AK9: variants seen among roughly 807,000 people sequenced by gnomAD.
AK9 encodes the protein adenylate kinase 9.
Under a neutral mutation model 239.6 loss-of-function variants are expected in AK9, and 191 were observed. The ratio of observed to expected loss-of-function variants is 0.80; its 90% CI spans 0.71 to 0.90. AK9 has a LOEUF of 0.90. AK9 is among the 40% of genes least tolerant of loss of function. AK9 has a pLI of 0.00. For synonymous variants in AK9, 689 were observed against 721.0 expected (o/e 0.96, Z 0.71); for missense variants, 1,995 against 2,214.7 (o/e 0.90, Z 1.99).
intron 2 of AK9, among the ~76,000 whole-genome samples, chr6:109,674,659 AT>A (rs1771442705): frequency 6.6e-6 from 1 of 152,168 alleles, no homozygotes; most frequent in Non-Finnish European, 1.5e-5. Flanking sequence ...CCATTTAGTA[AT>A]TTTGATGAGC....
chr6:109,683,338 C>T (rs1772965746), intron 1 of AK9, among the ~76,000 whole-genome samples: 1 of 152,092 alleles, frequency 6.6e-6, no homozygotes, highest in South Asian at 2.1e-4. Context: ...AAAACTGGCA[C>T]AAAACAAGGA....
chr6:109,522,472 T>A (rs1019010000), intron 29 of AK9, among the ~76,000 whole-genome samples: 9 of 152,042 alleles, frequency 5.9e-5, no homozygotes, highest in Non-Finnish European at 1.5e-5. Context: ...TCCTATCTCT[T>A]GCACTTTGTT....
chr6:109,625,987 A>G (rs1795487366), intron 12 of AK9, among the ~76,000 whole-genome samples: 1 of 151,172 alleles, frequency 6.6e-6, no homozygotes, highest in Non-Finnish European at 1.5e-5. Context: ...AGACCATCTG[A>G]TTTTCCCACA....
At chr6:109,660,372 T>C (rs900710096) in intron 6 of AK9, among the ~76,000 whole-genome samples, 7 of 152,114 alleles carry the variant, frequency 4.6e-5, no homozygotes, top group Admixed American at 1.3e-4. Flanking sequence ...TTTATTAAGT[T>C]TGGAGTGAGG....
intron 9 of AK9, among the ~76,000 whole-genome samples, chr6:109,642,192 T>C (rs552736397): frequency 1.3e-5 from 2 of 152,170 alleles, no homozygotes; most frequent in Non-Finnish European, 2.9e-5. Context: ...TTTGGACTTT[T>C]AGCCTCCAGA....
intron 21 of AK9, among the ~76,000 whole-genome samples, chr6:109,565,485 ATT>A (rs397809195): frequency 0.45 from 67,796 of 151,220 alleles, 16,037 homozygotes; most frequent in South Asian, 0.54. Context: ...TTAAAAAAAA[ATT>A]TTTTTTCAAG....
At chr6:109,511,889 C>G (rs143027982) in intron 32 of AK9, among the ~76,000 whole-genome samples, 1 of 152,258 alleles carries the variant, frequency 6.6e-6, no homozygotes, top group Non-Finnish European at 1.5e-5. Flanking sequence ...ACATGTTCAC[C>G]TTGTGCTCTG....
chr6:109,565,767 G>GTACA (rs1337900158), intron 21 of AK9, among the ~76,000 whole-genome samples: 1 of 152,060 alleles, frequency 6.6e-6, no homozygotes, highest in African/African-American at 2.4e-5. Flanking sequence ...ATAGACAAAA[G>GTACA]TACATATATC....
chr6:109,564,374 T>G, intron 22 of AK9, 94 bp from the exon 23 acceptor site: 1 of 872,180 alleles, frequency 1.1e-6, no homozygotes, highest in Non-Finnish European at 1.7e-6. Context: ...GCAATTTTTT[T>G]AAACAGTTAA....
In AK9 at chr6:109,619,110, G is replaced by C; in HGVS notation, c.1381C>G (p.Leu461Val). Reference protein sequence around the residue: ...KVVKEKLLRELQARKQAETAL... With the variant: ...KVVKEKLLREVQARKQAETAL... ...GTTTCACCTTGTTTTCTAGCTTGCA[G>C]TTCCCTGAGAAGCTTTTCTTTCACA... The change falls in exon 13 of 41, where the codon CTG (leucine) becomes GTG (valine). Residue 461 changes from leucine (L) to valine (V), a missense_variant. Physicochemically the swap from Leu to Val is conservative, Grantham distance 32 (BLOSUM62 1). This residue lies in a region of AK9 where 1,290 missense variants were observed against 1,392.7 expected (regional missense o/e 0.93). Transcript: ENST00000424296. 6.5e-7 allele frequency: 1 copy of C among 1,542,554 alleles called. No individual in the cohort carries two copies. The highest frequency in any genetic ancestry group is 8.7e-7 in the Non-Finnish European group (1 of 1,144,098).
At chr6:109,616,866 T>C (rs572949812) in intron 13 of AK9, among the ~76,000 whole-genome samples, 2 of 152,242 alleles carry the variant, frequency 1.3e-5, no homozygotes, top group South Asian at 4.1e-4. Context: ...GTTTAAACTA[T>C]ACTTCTTTTC....
chr6:109,551,380 A>C (rs371352554), intron 24 of AK9, among the ~76,000 whole-genome samples: 54 of 152,036 alleles, frequency 3.6e-4, no homozygotes, highest in African/African-American at 1.2e-3. Flanking sequence ...CTAGCCAGGC[A>C]TGGTGGCGCG....
intron 17 of AK9, among the ~76,000 whole-genome samples, chr6:109,599,790 C>T (rs1478289595): frequency 6.6e-6 from 1 of 152,176 alleles, no homozygotes; most frequent in Non-Finnish European, 1.5e-5. Flanking sequence ...AGGTCCTTCA[C>T]ATACCTTGTA....
Position 109,550,156 on chromosome 6 carries a change from A to C in AK9, c.2898T>G (p.Ser966Arg). The C allele has an allele frequency of 6.2e-7, 1 of 1,614,034 alleles. No homozygotes were observed. Among genetic ancestry groups the C allele is most frequent in the Non-Finnish European group, 8.5e-7 (1 of 1,180,012 alleles). Residue 966 changes from serine to arginine, a missense_variant, in exon 25 of 41, where the codon AGT (serine) becomes AGG (arginine). This residue lies in a region of AK9 where 1,290 missense variants were observed against 1,392.7 expected (regional missense o/e 0.93). Coordinates refer to ENST00000424296, the MANE Select transcript of AK9 (RefSeq NM_001145128.3). ...CCAAAAACTTTTCTTTAGCCTCAGC[A>C]CTTGAAAAGTAGTAGATCTTTTCTC... ...KYREKIYYFS[S>R]AEAKEKFLEH...
intron 26 of AK9, 148 bp from the exon 27 acceptor site, chr6:109,542,319 G>T (rs753658687): frequency 7.2e-5 from 51 of 711,684 alleles, no homozygotes; most frequent in Non-Finnish European, 1.0e-4. Flanking sequence ...AGGGTGTGTG[G>T]TAGGGATAGA....
Position 109,592,064 on chromosome 6 carries a change from A to G in AK9, c.1843-5992T>C, listed in dbSNP as rs553057059. ...CAGAAAAATTGGATTCATGAAATGA[A>G]TCTTTTGCCAAAAACTGTTTGAGAC... On this transcript the variant is annotated intron_variant, in intron 17 of 40. Coordinates refer to ENST00000424296, the MANE Select transcript of AK9 (RefSeq NM_001145128.3). Among the ~76,000 whole-genome samples the G allele has an allele frequency of 2.6e-5, 4 of 152,318 alleles. No individual in the cohort carries two copies. In the South Asian group the frequency reaches 8.3e-4, roughly 32 times the overall value.
intron 19 of AK9, among the ~76,000 whole-genome samples, chr6:109,581,514 C>G (rs2128207949): frequency 6.6e-6 from 1 of 152,298 alleles, no homozygotes; most frequent in Non-Finnish European, 1.5e-5. Flanking sequence ...CCAGCCACAA[C>G]ATTCCCTTAA....
chr6:109,656,966 C>T (rs960237499), intron 7 of AK9, 82 bp from the exon 8 acceptor site: 1 of 1,494,224 alleles, frequency 6.7e-7, no homozygotes, highest in Non-Finnish European at 9.1e-7. Context: ...CTCCTTACAC[C>T]TAGATATCAT....
rs540107763 is a variant in AK9, at chr6:109,679,895, G to A, written c.-11-4139C>T. Among the ~76,000 whole-genome samples, 3 of 152,270 alleles carry A rather than the reference G, an allele frequency of 2.0e-5. No homozygotes were observed. In the East Asian group the frequency reaches 5.8e-4, roughly 29 times the overall value. ...TGTTAGAAGGAAAACTAACAGAAAA[G>A]AATGGCATCAATATCAACAAAAAGG... On this transcript the variant is annotated intron_variant, in intron 1 of 40. Transcript: ENST00000424296.
Sources: allele counts gnomAD v4.1 joint callset (sites outside exome capture counted in the v4.1 genomes callset), GRCh38; gene constraint gnomAD v4.1.1; regional missense constraint gnomAD v4.1.1; transcripts MANE v1.5; gene names NCBI Gene and HGNC (gene_info 2026-07-23, HGNC 2026-07-21).